Variants in NF2 observed in about 807,000 individuals in gnomAD.
NF2 encodes the protein NF2, moesin-ezrin-radixin like (MERLIN) tumor suppressor.
A neutral mutation model predicts 83.7 loss-of-function variants in NF2; 8 were observed. The observed-to-expected ratio is 0.10, with a 90% CI of 0.06 to 0.17. The LOEUF is 0.17. NF2 is among the 10% of genes least tolerant of loss of function. NF2 has a pLI of 1.00. For missense variants in NF2, 533 were observed against 744.4 expected, an observed-to-expected ratio of 0.72 and a Z score of 3.31; for synonymous variants, 266 against 269.6, an observed-to-expected ratio of 0.99 and a Z score of 0.13.
At chr22:29,633,840 C>CT (rs1274687659) in intron 1 of NF2, among the ~76,000 whole-genome samples, 1 of 152,256 alleles carries the variant, frequency 6.6e-6, no homozygotes, top group African/African-American at 2.4e-5. Context: ...CTGCAGAACA[C>CT]TGCTTCCACC....
intron 1 of NF2, chr22:29,609,559 G>A (rs1327982069): frequency 8.9e-6 from 2 of 225,738 alleles, no homozygotes. Context: ...TGGAAAACAG[G>A]AATATTGACT....
At chr22:29,672,393 A>G (rs1044360264) in intron 11 of NF2, among the ~76,000 whole-genome samples, 22 of 146,950 alleles carry the variant, frequency 1.5e-4, no homozygotes, top group Admixed American at 1.3e-3. Flanking sequence ...AGCTTACTGC[A>G]ATCTTCACCT....
At chr22:29,605,942 G>A (rs1038943630) in intron 1 of NF2, among the ~76,000 whole-genome samples, 2 of 152,148 alleles carry the variant, frequency 1.3e-5, no homozygotes, top group Non-Finnish European at 2.9e-5. Context: ...GAGTGCAATT[G>A]AAAGTTGGAG....
At chr22:29,650,452 A>G (rs573378633) in intron 4 of NF2, among the ~76,000 whole-genome samples, 19 of 152,058 alleles carry the variant, frequency 1.2e-4, no homozygotes, top group Non-Finnish European at 2.6e-4. Flanking sequence ...CTTACTGTCC[A>G]TTTGTATTTC....
chr22:29,624,901 T>TTCTCTCTC (rs141837477), intron 1 of NF2, among the ~76,000 whole-genome samples: 2 of 143,178 alleles, frequency 1.4e-5, no homozygotes, highest in African/African-American at 2.6e-5. Flanking sequence ...TCTCTCTTCT[T>TTCTCTCTC]TCTCTCTCTC....
intron 7 of NF2, among the ~76,000 whole-genome samples, chr22:29,659,202 ATTGC>A (rs1377158926): frequency 6.6e-6 from 1 of 152,172 alleles, no homozygotes; most frequent in East Asian, 1.9e-4. Context: ...GTATTTGCTA[ATTGC>A]TTGGTTTCTT....
intron 9 of NF2, among the ~76,000 whole-genome samples, chr22:29,665,692 C>T (rs769117793): frequency 4.7e-5 from 7 of 148,818 alleles, no homozygotes; most frequent in South Asian, 2.2e-4. Context: ...TGGCCGGGTG[C>T]GGTGGCTTAC....
intron 1 of NF2, among the ~76,000 whole-genome samples, chr22:29,609,685 C>T (rs1288919327): frequency 1.3e-5 from 2 of 152,158 alleles, no homozygotes; most frequent in Non-Finnish European, 2.9e-5. Context: ...TGTATAACTA[C>T]ATTTTCAGTG....
In NF2 at chr22:29,683,370, A is replaced by G. The variant is rs1233217604; in HGVS notation, c.1737+1769A>G. On this transcript the variant is annotated intron_variant, in intron 15 of 15. Transcript: ENST00000338641. ...TGGGGAAGGTTATGGCTTCTTGTCCAGTCAGGTGTGTCTAAAAGTCCTTTG... is the reference window on the plus strand; with the variant it reads ...TGGGGAAGGTTATGGCTTCTTGTCCGGTCAGGTGTGTCTAAAAGTCCTTTG... The G allele has an allele frequency of 6.6e-5, 89 of 1,356,294 alleles. 1 individual carries two copies. The highest frequency in any genetic ancestry group is 8.0e-5 in the Non-Finnish European group (84 of 1,050,402). 84.0% of individuals were successfully genotyped at this position (1,356,294 alleles called of 1,614,324 possible).
chr22:29,679,943 C>T (rs1366804853), intron 14 of NF2, among the ~76,000 whole-genome samples: 2 of 151,944 alleles, frequency 1.3e-5, no homozygotes, highest in African/African-American at 4.8e-5. Context: ...AAGGCACGGG[C>T]AGAGGTGGAG....
intron 15 of NF2, among the ~76,000 whole-genome samples, chr22:29,691,118 A>C (rs1436892010): frequency 6.6e-6 from 1 of 152,170 alleles, no homozygotes; most frequent in Non-Finnish European, 1.5e-5. Flanking sequence ...ACCTGCTGAA[A>C]TTTGGAGACC....
intron 1 of NF2, among the ~76,000 whole-genome samples, chr22:29,608,316 T>C (rs2064858979): frequency 6.7e-6 from 1 of 150,252 alleles, no homozygotes; most frequent in East Asian, 2.0e-4. Flanking sequence ...TCTCGCTCTG[T>C]TGCCTAGGCT....
chr22:29,649,626 C>T (rs902661515), intron 4 of NF2, among the ~76,000 whole-genome samples: 2 of 152,040 alleles, frequency 1.3e-5, no homozygotes, highest in African/African-American at 4.8e-5. Flanking sequence ...CCTGTAATCC[C>T]AGCTACTCAG....
intron 8 of NF2, among the ~76,000 whole-genome samples, chr22:29,664,311 AC>A (rs2066555452): frequency 6.7e-6 from 1 of 149,500 alleles, no homozygotes; most frequent in Non-Finnish European, 1.5e-5. Flanking sequence ...CCCTACACCC[AC>A]CCCTTCCTCC....
At chr22:29,686,831 G>A (rs777432495) in intron 15 of NF2, among the ~76,000 whole-genome samples, 7 of 151,996 alleles carry the variant, frequency 4.6e-5, no homozygotes, top group African/African-American at 9.7e-5. Flanking sequence ...ATCAAAAGCC[G>A]CCCTGGGGAA....
chr22:29,609,176 A>C (rs1472968379), intron 1 of NF2: 4 of 747,154 alleles, frequency 5.4e-6, no homozygotes, highest in Non-Finnish European at 1.0e-5. Context: ...CCTTGCCATA[A>C]AACCAGGAAC....
chr22:29,672,335 G>A (rs912191044), intron 11 of NF2, among the ~76,000 whole-genome samples: 35 of 136,940 alleles, frequency 2.6e-4, no homozygotes, highest in African/African-American at 7.7e-4. Context: ...TTTTTGAGAC[G>A]GAGTCTCGCT....
At position 29,689,172 on chromosome 22, in the gene NF2, C is replaced by T. The variant is rs569411587; in HGVS notation, c.1738-5580C>T. ...TCAGCCTGGCAACGGAGTGAGACTC[C>T]GTCTCAAAAAAAAAAAAAAAAAAAA... On this transcript the variant is annotated intron_variant, in intron 15 of 15. Coordinates refer to ENST00000338641, the MANE Select transcript of NF2 (RefSeq NM_000268.4). Among the ~76,000 whole-genome samples the T allele has an allele frequency of 2.6e-3, 244 of 95,116 alleles. 10 individuals carry two copies. In the South Asian group the frequency reaches 0.068, roughly 27 times the overall value. The allele number at this position is 95,116 out of a possible 152,430, so 62.4% of individuals were successfully genotyped here. A position where few individuals can be genotyped will look rare whatever the true frequency, so the allele number is the denominator to read the frequency against.
chr22:29,609,378 C>T, intron 1 of NF2: 1 of 582,138 alleles, frequency 1.7e-6, no homozygotes, highest in South Asian at 1.6e-5. Context: ...CATAGGTGTG[C>T]AGAGGCGAAG....
Sources: gnomAD v4.1 joint callset for allele counts (sites outside exome capture counted in the v4.1 genomes callset) on GRCh38, gnomAD v4.1.1 for gene constraint, MANE v1.5 for transcripts, NCBI Gene and HGNC (gene_info 2026-07-23, HGNC 2026-07-21) for gene names.